Variants in FAM171A1 observed in about 807,000 individuals in gnomAD.
The protein encoded by FAM171A1 is family with sequence similarity 171 member A1.
FAM171A1 carries 23 observed loss-of-function variants against 74.9 expected under a neutral mutation model. The ratio of observed to expected loss-of-function variants is 0.31; its 90% CI spans 0.22 to 0.44. The LOEUF (loss-of-function observed/expected upper bound fraction) is 0.44, where lower values mean the gene tolerates loss of function less well. Ranked by LOEUF, FAM171A1 falls within the 20% of genes least tolerant of loss-of-function variation. The pLI is 1.00. For synonymous variants in FAM171A1, 527 were observed against 505.7 expected (o/e 1.04, Z -0.57); for missense variants, 1,162 against 1,159.2 (o/e 1.00, Z -0.03).
intron 1 of FAM171A1, among the ~76,000 whole-genome samples, chr10:15,324,966 A>G (rs1013093996): frequency 6.6e-6 from 1 of 152,194 alleles, no homozygotes; most frequent in Non-Finnish European, 1.5e-5. Flanking sequence ...TTCCCAACAA[A>G]ATGGAAAAGG....
chr10:15,374,387 G>A (rs893807112), upstream of FAM171A1, among the ~76,000 whole-genome samples: 3 of 152,232 alleles, frequency 2.0e-5, no homozygotes, highest in African/African-American at 7.2e-5. Context: ...GTGGGAGGCT[G>A]TAAGGAACAC....
chr10:15,266,347 G>A (rs961889158), intron 3 of FAM171A1, among the ~76,000 whole-genome samples: 6 of 152,298 alleles, frequency 3.9e-5, no homozygotes, highest in Non-Finnish European at 4.4e-5. Flanking sequence ...AGCCATGGCT[G>A]GGAGGGATAG....
In FAM171A1 at chr10:15,214,356, T is replaced by G. The variant is rs754664838; in HGVS notation, c.1232A>C (p.His411Pro). The change falls in exon 8 of 8, where the codon CAC becomes CCC. Residue 411 changes from histidine to proline, a missense_variant. Coordinates refer to ENST00000378116, the MANE Select transcript of FAM171A1 (RefSeq NM_001010924.2). ...GTAGGAGAGCTTGAGCATGGGGGTG[T>G]GCAGGTCCCCTTCGCCGCCCGGAGA... ...MMSPGGEGDL[H>P]TPMLKLSYST... is the part of the protein sequence containing the mutation. 1.9e-6 allele frequency: 3 copies of G among 1,613,016 alleles called. No individual in the cohort carries two copies. The highest frequency in any genetic ancestry group is 2.5e-6 in the Non-Finnish European group (3 of 1,179,378).
chr10:15,345,642 G>A (rs1330226807), intron 1 of FAM171A1, among the ~76,000 whole-genome samples: 1 of 152,166 alleles, frequency 6.6e-6, no homozygotes, highest in Non-Finnish European at 1.5e-5. Context: ...CATCCAGGAG[G>A]GGGCTGGGAA....
chr10:15,365,207 G>A (rs1836044341), intron 1 of FAM171A1, among the ~76,000 whole-genome samples: 1 of 152,150 alleles, frequency 6.6e-6, no homozygotes, highest in South Asian at 2.1e-4. Context: ...GATTCCTACT[G>A]CATGGATTTT....
intron 3 of FAM171A1, among the ~76,000 whole-genome samples, chr10:15,263,472 T>A (rs551230706): frequency 1.3e-5 from 2 of 152,252 alleles, no homozygotes; most frequent in Non-Finnish European, 2.9e-5. Flanking sequence ...CATACTCTTA[T>A]CATCTCACAG....
chr10:15,284,115 GAGAAAGCACAA>G lies in FAM171A1; in HGVS notation c.98-21_98-11del. On this transcript the variant is annotated splice_polypyrimidine_tract_variant and intron_variant, in intron 1 of 7. Coordinates refer to ENST00000378116, the MANE Select transcript of FAM171A1 (RefSeq NM_001010924.2). Reference sequence around the variant, plus strand: ...ACCTTTAACGTCACCTCTGGAGGTAGAGAAAGCACAAAGAACAGCTACTGTCAATGGGAAAC... The same window carrying G: ...ACCTTTAACGTCACCTCTGGAGGTAGAGAACAGCTACTGTCAATGGGAAAC... 1.2e-6 allele frequency: 2 copies of G among 1,611,560 alleles called. No homozygotes were observed. Among genetic ancestry groups the G allele is most frequent in the Middle Eastern group, 3.3e-4 (2 of 6,056 alleles).
At chr10:15,247,954 C>T (rs1834456573) in intron 5 of FAM171A1, among the ~76,000 whole-genome samples, 1 of 152,210 alleles carries the variant, frequency 6.6e-6, no homozygotes, top group Non-Finnish European at 1.5e-5. Flanking sequence ...CAGCTGAACA[C>T]TGCTGGAGAG....
intron 3 of FAM171A1, among the ~76,000 whole-genome samples, chr10:15,256,218 T>C (rs367721267): frequency 7.9e-5 from 12 of 152,286 alleles, no homozygotes; most frequent in East Asian, 7.7e-4. Flanking sequence ...CTTTTAACTC[T>C]GGATCAAAGA....
chr10:15,362,677 G>C (rs1214213481), intron 1 of FAM171A1, among the ~76,000 whole-genome samples: 1 of 152,180 alleles, frequency 6.6e-6, no homozygotes, highest in African/African-American at 2.4e-5. Context: ...TGAGCTGAGA[G>C]GGTGCCACTG....
At chr10:15,298,739 GT>G (rs1235351624) in intron 1 of FAM171A1, among the ~76,000 whole-genome samples, 1 of 152,094 alleles carries the variant, frequency 6.6e-6, no homozygotes, top group African/African-American at 2.4e-5. Context: ...AAAGTATCTA[GT>G]GACTATACCA....
chr10:15,245,684 C>T (rs1284491877), intron 5 of FAM171A1, among the ~76,000 whole-genome samples: 1 of 152,200 alleles, frequency 6.6e-6, no homozygotes, highest in African/African-American at 2.4e-5. Context: ...CACCACTGTG[C>T]CCCCCAGACT....
At chr10:15,303,915 G>A (rs921941382) in intron 1 of FAM171A1, among the ~76,000 whole-genome samples, 5 of 152,188 alleles carry the variant, frequency 3.3e-5, no homozygotes, top group Non-Finnish European at 5.9e-5. Flanking sequence ...GTCCTAGGAT[G>A]GCCCATTGCT....
At chr10:15,260,266 T>C (rs1299387940) in intron 3 of FAM171A1, among the ~76,000 whole-genome samples, 3 of 152,228 alleles carry the variant, frequency 2.0e-5, no homozygotes, top group Admixed American at 1.3e-4. Flanking sequence ...TCTATTTGCA[T>C]CTCTCTTGTA....
intron 6 of FAM171A1, among the ~76,000 whole-genome samples, chr10:15,220,347 GAAAACAAAAC>G (rs972295687): frequency 1.3e-5 from 2 of 151,996 alleles, no homozygotes; most frequent in African/African-American, 4.8e-5. Flanking sequence ...TGACCATTTT[GAAAACAAAAC>G]AAAACAAAAC....
chr10:15,238,527 C>G (rs553146053), intron 5 of FAM171A1, among the ~76,000 whole-genome samples: 2 of 152,028 alleles, frequency 1.3e-5, no homozygotes, highest in African/African-American at 4.8e-5. Context: ...CCTTCCCCCC[C>G]ACCCCCAATT....
chr10:15,332,008 G>GGC (rs1835644506), intron 1 of FAM171A1, among the ~76,000 whole-genome samples: 1 of 151,472 alleles, frequency 6.6e-6, no homozygotes, highest in Non-Finnish European at 1.5e-5. Context: ...GGAGTGCAAT[G>GGC]GCGCGATCTT....
At chr10:15,255,512 GAAATGATGCA>G (rs1320586105) in intron 3 of FAM171A1, among the ~76,000 whole-genome samples, 2 of 152,284 alleles carry the variant, frequency 1.3e-5, no homozygotes, top group African/African-American at 2.4e-5. Context: ...TGAGACTTTT[GAAATGATGCA>G]AAATGATGCT....
intron 7 of FAM171A1, among the ~76,000 whole-genome samples, chr10:15,215,658 C>T (rs887879943): frequency 1.3e-5 from 2 of 152,144 alleles, no homozygotes; most frequent in Non-Finnish European, 2.9e-5. Context: ...GAGCCAACGT[C>T]CCTGGCCCAA....
Sources: gnomAD v4.1 joint callset for allele counts (sites outside exome capture counted in the v4.1 genomes callset) on GRCh38, gnomAD v4.1.1 for gene constraint, MANE v1.5 for transcripts, NCBI Gene and HGNC (gene_info 2026-07-23, HGNC 2026-07-21) for gene names.